TMEM132D: variants seen among roughly 807,000 people sequenced by gnomAD.
The protein encoded by TMEM132D is transmembrane protein 132D.
A neutral mutation model predicts 62.3 loss-of-function variants in TMEM132D; 21 were observed. The ratio of observed to expected loss-of-function variants is 0.34; its 90% confidence interval spans 0.24 to 0.49. The LOEUF (loss-of-function observed/expected upper bound fraction) is 0.49, where lower values mean the gene tolerates loss of function less well. Ranked by LOEUF, TMEM132D falls within the 20% of genes least tolerant of loss-of-function variation. The pLI is 0.99. For missense variants in TMEM132D, 1,346 were observed against 1,402.8 expected (o/e 0.96, Z 0.65); for synonymous variants, 621 against 575.6 (o/e 1.08, Z -1.13).
At position 129,867,909 on chromosome 12, in the gene TMEM132D, G is replaced by C. The variant is rs1180550205; in HGVS notation, c.79+35352C>G. Reference sequence around the variant, plus strand: ...CTTCTAGGGCAATGGAAATGTCTGTGTCTCTACTAAGACAGCGTTTCTATG... The same window carrying C: ...CTTCTAGGGCAATGGAAATGTCTGTCTCTCTACTAAGACAGCGTTTCTATG... On this transcript the variant is annotated intron_variant, in intron 1 of 8. Transcript: ENST00000422113. This position sits in a 1 kb window ranked among gnomAD's most constrained non-coding sequence, Gnocchi z 4.5. Among the ~76,000 whole-genome samples the C allele has an allele frequency of 6.6e-6, 1 of 152,240 alleles. No homozygotes were observed. Among genetic ancestry groups the C allele is most frequent in the Non-Finnish European group, 1.5e-5 (1 of 68,052 alleles).
At chr12:129,297,660 G>T (rs1391155715) in intron 4 of TMEM132D, among the ~76,000 whole-genome samples, 2 of 152,152 alleles carry the variant, frequency 1.3e-5, no homozygotes, top group Non-Finnish European at 2.9e-5. Flanking sequence ...CTTATCTGCG[G>T]CCAGGGCACA....
At chr12:129,468,387 CCT>C (rs2137045337) in intron 3 of TMEM132D, among the ~76,000 whole-genome samples, 1 of 152,216 alleles carries the variant, frequency 6.6e-6, no homozygotes, top group East Asian at 1.9e-4. Context: ...AATTTCTTTC[CCT>C]GACAGACACC....
At chr12:129,094,057 A>C (rs1875019678) in intron 5 of TMEM132D, among the ~76,000 whole-genome samples, 1 of 152,146 alleles carries the variant, frequency 6.6e-6, no homozygotes, top group Non-Finnish European at 1.5e-5. Context: ...CTTAAATGTT[A>C]GACCTAAAAC....
chr12:129,232,194 C>T (rs1879661377), intron 4 of TMEM132D, among the ~76,000 whole-genome samples: 1 of 152,130 alleles, frequency 6.6e-6, no homozygotes, highest in South Asian at 2.1e-4. Flanking sequence ...AGTGTGAGCA[C>T]CACTGAGAGT....
intron 2 of TMEM132D, among the ~76,000 whole-genome samples, chr12:129,639,398 A>AT (rs1231166454): frequency 2.0e-5 from 3 of 151,192 alleles, no homozygotes; most frequent in African/African-American, 7.3e-5. Context: ...AAAAAAAAAA[A>AT]AAAAAAAAGT....
intron 1 of TMEM132D, among the ~76,000 whole-genome samples, chr12:129,791,615 A>G (rs1951051349): frequency 6.6e-6 from 1 of 152,078 alleles, no homozygotes; most frequent in African/African-American, 2.4e-5. Context: ...TCGCCCTCCA[A>G]TCACAAACAT....
intron 1 of TMEM132D, among the ~76,000 whole-genome samples, chr12:129,789,159 C>T (rs1203026967): frequency 6.6e-6 from 1 of 152,078 alleles, no homozygotes; most frequent in Non-Finnish European, 1.5e-5. Context: ...TGGGTGCACC[C>T]ATCACCCGAG....
At chr12:129,751,842 G>A (rs1412071274) in intron 1 of TMEM132D, among the ~76,000 whole-genome samples, 4 of 152,100 alleles carry the variant, frequency 2.6e-5, no homozygotes, top group Non-Finnish European at 4.4e-5. Context: ...TCTAAATAGC[G>A]CTTTTGGAAA....
chr12:129,200,351 G>A (rs917059730), intron 5 of TMEM132D, among the ~76,000 whole-genome samples: 3 of 152,208 alleles, frequency 2.0e-5, no homozygotes, highest in African/African-American at 7.2e-5. Flanking sequence ...AATCAAAAGT[G>A]CATCTCTTGT....
At chr12:129,088,144 C>A (rs1479304553) in intron 5 of TMEM132D, among the ~76,000 whole-genome samples, 1 of 42,970 alleles carries the variant, frequency 2.3e-5, no homozygotes, top group Non-Finnish European at 3.9e-5. Flanking sequence ...CCGGGGTGTC[C>A]TCCCTGACCG....
intron 2 of TMEM132D, among the ~76,000 whole-genome samples, chr12:129,570,250 G>A (rs1175881100): frequency 1.3e-5 from 2 of 152,120 alleles, no homozygotes; most frequent in Non-Finnish European, 2.9e-5. Context: ...GCAGTATCAC[G>A]GTTGGTCAAT....
chr12:129,532,841 A>C (rs1876267277), intron 2 of TMEM132D, among the ~76,000 whole-genome samples: 1 of 152,176 alleles, frequency 6.6e-6, no homozygotes, highest in Admixed American at 6.5e-5. Flanking sequence ...CATATGCTGG[A>C]GGAATTGGAG....
At chr12:129,101,229 C>G (rs948118377) in intron 5 of TMEM132D, among the ~76,000 whole-genome samples, 2 of 152,236 alleles carry the variant, frequency 1.3e-5, no homozygotes, top group African/African-American at 2.4e-5. Context: ...TTGGTTCATC[C>G]TGGCCGAGCC....
chr12:129,837,221 T>C (rs1035635239), intron 1 of TMEM132D, among the ~76,000 whole-genome samples: 1 of 152,244 alleles, frequency 6.6e-6, no homozygotes, highest in Non-Finnish European at 1.5e-5. Context: ...ATATGCATGT[T>C]TGTGGAAAGT....
intron 2 of TMEM132D, among the ~76,000 whole-genome samples, chr12:129,580,256 C>A (rs74518023): frequency 0.02 from 3,117 of 152,248 alleles, 120 homozygotes; most frequent in African/African-American, 0.072. Flanking sequence ...AGACACACAG[C>A]CTAAGTGAAA....
chr12:129,632,300 G>A (rs1281135126), intron 2 of TMEM132D, among the ~76,000 whole-genome samples: 2 of 152,120 alleles, frequency 1.3e-5, no homozygotes, highest in East Asian at 1.9e-4. Context: ...AAGTGCCTAC[G>A]GCTTGCTTAG....
At chr12:129,103,936 T>G (rs902327251) in intron 5 of TMEM132D, among the ~76,000 whole-genome samples, 15 of 152,176 alleles carry the variant, frequency 9.9e-5, no homozygotes, top group Non-Finnish European at 1.9e-4. Flanking sequence ...TGGGTAGGAA[T>G]AATCAATATC....
chr12:129,353,552 G>C (rs564995480), intron 3 of TMEM132D, among the ~76,000 whole-genome samples: 1 of 152,158 alleles, frequency 6.6e-6, no homozygotes, highest in South Asian at 2.1e-4. Flanking sequence ...TTGATTTGGG[G>C]GCTCCATGGA....
At chr12:129,876,253 T>A (rs1400432932) in intron 1 of TMEM132D, among the ~76,000 whole-genome samples, 1 of 152,154 alleles carries the variant, frequency 6.6e-6, no homozygotes, top group Admixed American at 6.5e-5. Flanking sequence ...TGATCTAAAC[T>A]CGGGTCTTAG....
Sources: gnomAD v4.1 joint callset for allele counts (sites outside exome capture counted in the v4.1 genomes callset) on GRCh38, gnomAD v4.1.1 for gene constraint, Gnocchi (gnomAD v3.1) non-coding constraint, MANE v1.5 for transcripts, NCBI Gene and HGNC (gene_info 2026-07-23, HGNC 2026-07-21) for gene names.